Variants in NUBP1 observed in about 807,000 individuals in gnomAD.
NUBP1 encodes the protein cytosolic Fe-S cluster assembly factor NUBP1.
In NUBP1, 46 loss-of-function variants were observed where a neutral mutation model predicts 41.8. The observed-to-expected ratio is 1.10, with a 90% CI of 0.87 to 1.41. The LOEUF (loss-of-function observed/expected upper bound fraction) is 1.41. Among genes scored for constraint, NUBP1 ranks in the 40% most tolerant of loss-of-function variants. The probability of loss-of-function intolerance (pLI) is 0.00; values close to 1 mark genes in which losing one functional copy is unlikely to be tolerated. For missense variants in NUBP1, 494 were observed against 414.0 expected, an observed-to-expected ratio of 1.19 and a Z score of -1.68; for synonymous variants, 189 against 154.6, an observed-to-expected ratio of 1.22 and a Z score of -1.65.
intron 7 of NUBP1, 57 bp downstream of exon 7, chr16:10,758,084 C>G (rs1900688401): frequency 6.3e-7 from 1 of 1,578,880 alleles, no homozygotes; most frequent in South Asian, 1.1e-5. Context: ...TGTGAGATTT[C>G]TTTCCTACCT....
rs79879044 is a variant in NUBP1, at chr16:10,754,746, T to C, written c.328-975T>C. 8.3e-3 allele frequency among the ~76,000 whole-genome samples: 1,254 copies of C among 151,898 alleles called. 24 individuals carry two copies. Among genetic ancestry groups the C allele is most frequent in the African/African-American group, 0.027 (1,136 of 41,406 alleles). ...GGATTCTTCTTAAGAGTCAGGCAAATGTTCTAAAATTGTGGTGACTGGGTA... is the reference window on the plus strand; with the variant it reads ...GGATTCTTCTTAAGAGTCAGGCAAACGTTCTAAAATTGTGGTGACTGGGTA... On this transcript the variant is annotated intron_variant, in intron 4 of 10. Transcript: ENST00000283027.
At chr16:10,747,388 C>G (rs999411161) in intron 3 of NUBP1, 112 bp downstream of exon 3, 1 of 1,407,490 alleles carries the variant, frequency 7.1e-7, no homozygotes, top group East Asian at 2.4e-5. Context: ...AATCCCAGCA[C>G]TTTGGGAGGC....
At chr16:10,747,758 A>G (rs1900128795) in intron 3 of NUBP1, among the ~76,000 whole-genome samples, 2 of 152,208 alleles carry the variant, frequency 1.3e-5, no homozygotes, top group Non-Finnish European at 2.9e-5. Context: ...AGCCAAGAAA[A>G]TGGCTAGCAG....
At position 10,759,591 on chromosome 16, in the gene NUBP1, T is replaced by C. The variant is rs1374621390; in HGVS notation, c.606+1564T>C. ...GAGTTCGAGACCAGACTGGCCAATA[T>C]GGCAAAACCCTGTCTCTACCAAAAA... On this transcript the variant is annotated intron_variant, in intron 7 of 10. Coordinates refer to ENST00000283027, the MANE Select transcript of NUBP1 (RefSeq NM_002484.4). The surrounding 1 kb of genome is among the most constrained non-coding windows in gnomAD (Gnocchi z 4.7). 6.6e-6 allele frequency among the ~76,000 whole-genome samples: 1 copy of C among 152,062 alleles called. No individual in the cohort carries two copies. The highest frequency in any genetic ancestry group is 1.9e-4 in the East Asian group (1 of 5,174).
In NUBP1 at chr16:10,761,006, G is replaced by A. The variant is rs1397267944; in HGVS notation, c.607-358G>A. 2.0e-5 allele frequency: 4 copies of A among 198,528 alleles called. No individual in the cohort carries two copies. In the East Asian group the frequency reaches 4.0e-4, roughly 20 times the overall value. 12.3% of individuals were successfully genotyped at this position (198,528 alleles called of 1,614,324 possible). On this transcript the variant is annotated intron_variant, in intron 7 of 10. Coordinates refer to ENST00000283027, the MANE Select transcript of NUBP1 (RefSeq NM_002484.4). ...ACAATCATGGTGGAAGGCAAAGCAG[G>A]CACATGTTACACAGTGGCAGCAGTG...
At position 10,748,542 on chromosome 16, in the gene NUBP1, G is replaced by A. The variant is rs183822630; in HGVS notation, c.258+1266G>A. ...CCAGCTCCATCTACACCACTGCTGTGACCTTGGGCAAGTTACCAGGCTTAC... is the reference window on the plus strand; with the variant it reads ...CCAGCTCCATCTACACCACTGCTGTAACCTTGGGCAAGTTACCAGGCTTAC... On this transcript the variant is annotated intron_variant, in intron 3 of 10. Transcript: ENST00000283027. Among the ~76,000 whole-genome samples the A allele has an allele frequency of 1.5e-3, 230 of 152,258 alleles. 1 individual carries two copies. Among genetic ancestry groups the A allele is most frequent in the Admixed American group, 2.6e-3 (40 of 15,278 alleles).
rs144428828 is a variant in NUBP1, at chr16:10,757,998, G to A, written c.577G>A (p.Asp193Asn). ...CCGGTACCTGGCCACAGCACACATCGATGGAGCAGTGATCATCACCACTCC... is the reference window on the plus strand; with the variant it reads ...CCGGTACCTGGCCACAGCACACATCAATGGAGCAGTGATCATCACCACTCC... ...VVRYLATAHI[D>N]GAVIITTPQE... The change falls in exon 7 of 11, where the codon GAT (aspartate) becomes AAT (asparagine). Residue 193 changes from aspartate to asparagine, a missense_variant. By Grantham distance (23) the Asp-to-Asn change is conservative (BLOSUM62 1). Coordinates refer to ENST00000283027, the MANE Select transcript of NUBP1 (RefSeq NM_002484.4). This position sits in a 1 kb window ranked among gnomAD's most constrained non-coding sequence, Gnocchi z 4.1. The A allele has an allele frequency of 9.9e-5, 160 of 1,614,072 alleles. No homozygotes were observed. The highest frequency in any genetic ancestry group is 2.8e-4 in the Admixed American group (17 of 60,012).
At chr16:10,748,065 C>G (rs1160161617) in intron 3 of NUBP1, among the ~76,000 whole-genome samples, 2 of 152,156 alleles carry the variant, frequency 1.3e-5, no homozygotes, top group African/African-American at 4.8e-5. Flanking sequence ...ATCCTCCCAC[C>G]TCAGCCTCTC....
intron 4 of NUBP1, among the ~76,000 whole-genome samples, chr16:10,754,185 G>A (rs922984773): frequency 6.6e-6 from 1 of 152,034 alleles, no homozygotes; most frequent in East Asian, 1.9e-4. Context: ...TAGCAAACGA[G>A]TGTAAATAGG....
chr16:10,761,813 C>G lies in NUBP1; in HGVS notation c.774C>G (p.Asp258Glu). ...GGGGCGCGGAGCTCATGTGCCAGGA[C>G]TTGGAGGTCCCTCTCCTCGGCAGAG... ...TTGGAELMCQ[D>E]LEVPLLGRVP... The change falls in exon 9 of 11, where the codon GAC (aspartate) becomes GAG (glutamate). Residue 258 changes from aspartate (D) to glutamate (E), a missense_variant. Coordinates refer to ENST00000283027, the MANE Select transcript of NUBP1 (RefSeq NM_002484.4). The G allele has an allele frequency of 6.2e-7, 1 of 1,614,148 alleles. No homozygotes were observed. The highest frequency in any genetic ancestry group is 8.5e-7 in the Non-Finnish European group (1 of 1,179,990).
chr16:10,769,130 C>A lies in NUBP1; in HGVS notation c.*25C>A, dbSNP rs920620743. On this transcript the variant is annotated 3_prime_UTR_variant, in exon 11 of 11. Transcript: ENST00000283027. The stretch of plus-strand genomic sequence containing the variant: ...AAACGAGAGAATGTTCAGGACCAAG[C>A]AGTTACCGAGCGAGGCACTCACTGG... The A allele has an allele frequency of 6.2e-7, 1 of 1,611,512 alleles. No homozygotes were observed.
At position 10,747,331 on chromosome 16, in the gene NUBP1, C is replaced by T. The variant is rs1030137101; in HGVS notation, c.258+55C>T. ...TCATTTTGTCTGAGGGTCGTGATGG[C>T]TACTAAATAACTGATTCCTAGGCCA... is the stretch of plus-strand genomic sequence containing the variant. On this transcript the variant is annotated intron_variant, in intron 3 of 10. Transcript: ENST00000283027. The T allele has an allele frequency of 1.1e-5, 17 of 1,597,218 alleles. No homozygotes were observed. In the Admixed American group the frequency reaches 1.5e-4, roughly 14 times the overall value.
In NUBP1 at chr16:10,767,351, A is replaced by G; in HGVS notation, c.821-598A>G. Reference sequence around the variant, plus strand: ...AACAATGGCCACATGGCGGGGAAAGACTAGCAGACTGATAGACACCAGCAC... The same window carrying G: ...AACAATGGCCACATGGCGGGGAAAGGCTAGCAGACTGATAGACACCAGCAC... On this transcript the variant is annotated intron_variant, in intron 9 of 10. Coordinates refer to ENST00000283027, the MANE Select transcript of NUBP1 (RefSeq NM_002484.4). This position sits in a 1 kb window ranked among gnomAD's most constrained non-coding sequence, Gnocchi z 4.6. 1 of 399,626 alleles carries G rather than the reference A, an allele frequency of 2.5e-6. No homozygotes were observed. Among genetic ancestry groups the G allele is most frequent in the Non-Finnish European group, 4.4e-6 (1 of 226,850 alleles). The allele number at this position is 399,626 out of a possible 1,614,324, so 24.8% of individuals were successfully genotyped here. A position where few individuals can be genotyped will look rare whatever the true frequency, so the allele number is the denominator to read the frequency against.
intron 7 of NUBP1, among the ~76,000 whole-genome samples, chr16:10,760,511 C>T (rs1005463825): frequency 6.6e-6 from 1 of 152,126 alleles, no homozygotes; most frequent in Non-Finnish European, 1.5e-5. Flanking sequence ...TCTGGGAGGC[C>T]GAGGCAGGAG....
chr16:10,753,533 G>C lies in NUBP1; in HGVS notation c.327+855G>C, dbSNP rs75058738. On this transcript the variant is annotated intron_variant, in intron 4 of 10. Transcript: ENST00000283027. Reference sequence around the variant, plus strand: ...CAGTGCATGGAAGCTGGGGCTGGGGGTGCTGGGATGTCCCGAGAGTCTCAA... The same window carrying C: ...CAGTGCATGGAAGCTGGGGCTGGGGCTGCTGGGATGTCCCGAGAGTCTCAA... 9.1e-3 allele frequency among the ~76,000 whole-genome samples: 1,379 copies of C among 152,258 alleles called. 31 individuals carry two copies. The highest frequency in any genetic ancestry group is 0.03 in the African/African-American group (1,251 of 41,550).
chr16:10,761,489 G>C lies in NUBP1; in HGVS notation c.717+15G>C. On this transcript the variant is annotated intron_variant, in intron 8 of 10. Coordinates refer to ENST00000283027, the MANE Select transcript of NUBP1 (RefSeq NM_002484.4). ...CTAAGTGCAAGGTGAGGGCGCGTGGGGCTGCCAGGCGAGCAAGATCTTGCT... is the reference window on the plus strand; with the variant it reads ...CTAAGTGCAAGGTGAGGGCGCGTGGCGCTGCCAGGCGAGCAAGATCTTGCT... 6.2e-7 allele frequency: 1 copy of C among 1,602,212 alleles called. No homozygotes were observed.
chr16:10,768,068 G>C lies in NUBP1; in HGVS notation c.904+36G>C. On this transcript the variant is annotated intron_variant, in intron 10 of 10. Coordinates refer to ENST00000283027, the MANE Select transcript of NUBP1 (RefSeq NM_002484.4). This position sits in a 1 kb window ranked among gnomAD's most constrained non-coding sequence, Gnocchi z 4.3. ...CCATGAGTACTAAATGCAGATGCCT[G>C]TGGGGCAGGAAGCAACATAAAGGAG... 6.3e-7 allele frequency: 1 copy of C among 1,596,514 alleles called. No homozygotes were observed. Among genetic ancestry groups the C allele is most frequent in the Non-Finnish European group, 8.6e-7 (1 of 1,164,854 alleles).
Position 10,757,477 on chromosome 16 carries a change from T to G in NUBP1, c.452-396T>G, listed in dbSNP as rs191600962. ...ATATTTTGAGCCAGATAAGTCTTTG[T>G]TGGGGGGAGGAGTAGACCGTGTTCT... On this transcript the variant is annotated intron_variant, in intron 6 of 10. Coordinates refer to ENST00000283027, the MANE Select transcript of NUBP1 (RefSeq NM_002484.4). The surrounding 1 kb of genome is among the most constrained non-coding windows in gnomAD (Gnocchi z 4.1). 6.6e-6 allele frequency among the ~76,000 whole-genome samples: 1 copy of G among 152,068 alleles called. No individual in the cohort carries two copies. Among genetic ancestry groups the G allele is most frequent in the African/African-American group, 2.4e-5 (1 of 41,396 alleles).
rs1458896675 is a variant in NUBP1, at chr16:10,763,024, G to T, written c.820+1165G>T. Among the ~76,000 whole-genome samples the T allele has an allele frequency of 2.0e-5, 3 of 152,118 alleles. No homozygotes were observed. The South Asian group carries it at 6.2e-4, about 31-fold the overall frequency. On this transcript the variant is annotated intron_variant, in intron 9 of 10. Transcript: ENST00000283027. Reference sequence around the variant, plus strand: ...TGGGTTCTGGCGTTGGTGTAGAAAGGAAGGGACACACACAAGAGAGAAAGT... The same window carrying T: ...TGGGTTCTGGCGTTGGTGTAGAAAGTAAGGGACACACACAAGAGAGAAAGT...
Sources: gnomAD v4.1 joint callset for allele counts (sites outside exome capture counted in the v4.1 genomes callset) on GRCh38, gnomAD v4.1.1 for gene constraint, Gnocchi (gnomAD v3.1) non-coding constraint, MANE v1.5 for transcripts, NCBI Gene and HGNC (gene_info 2026-07-23, HGNC 2026-07-21) for gene names.